Variants in CSTPP1 observed in about 807,000 individuals in gnomAD.
The protein encoded by CSTPP1 is centriolar satellite-associated tubulin polyglutamylase complex regulator 1.
At chr11:47,157,943 C>T in the CSTPP1 span, 10 of 1,596,782 alleles carry the variant, frequency 6.3e-6, no homozygotes, top group Middle Eastern at 1.7e-4. Context: ...GCTAAGCAGC[C>T]GTCAGCCTCT....
chr11:47,102,811 C>T, the CSTPP1 span, among the ~76,000 whole-genome samples: 1 of 152,076 alleles, frequency 6.6e-6, no homozygotes, highest in Non-Finnish European at 1.5e-5. Context: ...AAATGTATAC[C>T]CTAAGGGGTA....
the CSTPP1 span, among the ~76,000 whole-genome samples, chr11:46,945,878 T>A: frequency 6.6e-6 from 1 of 152,148 alleles, no homozygotes; most frequent in Non-Finnish European, 1.5e-5. Flanking sequence ...ACCTATATGG[T>A]TCTAGAGCCA....
At chr11:46,943,048 C>T in the CSTPP1 span, among the ~76,000 whole-genome samples, 1 of 152,120 alleles carries the variant, frequency 6.6e-6, no homozygotes, top group Non-Finnish European at 1.5e-5. Flanking sequence ...TCATTGTCAA[C>T]CTTCTATCAT....
the CSTPP1 span, among the ~76,000 whole-genome samples, chr11:47,039,364 G>A: frequency 7.8e-6 from 1 of 127,750 alleles, no homozygotes; most frequent in Non-Finnish European, 1.9e-5. Context: ...CCAGTCAGGC[G>A]TGGCGGCGCG....
At chr11:47,132,185 G>A in the CSTPP1 span, among the ~76,000 whole-genome samples, 3 of 152,140 alleles carry the variant, frequency 2.0e-5, no homozygotes, top group Non-Finnish European at 2.9e-5. Flanking sequence ...TCATACCCCT[G>A]TAATTTTGCA....
chr11:46,951,910 A>G, the CSTPP1 span, among the ~76,000 whole-genome samples: 1 of 152,154 alleles, frequency 6.6e-6, no homozygotes, highest in Non-Finnish European at 1.5e-5. Context: ...CCACACCAGT[A>G]CTTACCATTC....
At chr11:46,984,062 A>T in the CSTPP1 span, among the ~76,000 whole-genome samples, 1 of 152,234 alleles carries the variant, frequency 6.6e-6, no homozygotes, top group Non-Finnish European at 1.5e-5. Flanking sequence ...ACAGACAGAC[A>T]TACACACACA....
the CSTPP1 span, among the ~76,000 whole-genome samples, chr11:46,976,090 C>T: frequency 6.6e-6 from 1 of 151,974 alleles, no homozygotes; most frequent in Non-Finnish European, 1.5e-5. Context: ...ACTATGTGCT[C>T]CTAGGAAGAG....
chr11:47,148,100 A>T, the CSTPP1 span, among the ~76,000 whole-genome samples: 1 of 152,212 alleles, frequency 6.6e-6, no homozygotes, highest in East Asian at 1.9e-4. Context: ...TGCCTCCAAC[A>T]CAGTCCAGAA....
chr11:47,040,390 A>C, the CSTPP1 span, among the ~76,000 whole-genome samples: 1 of 126,962 alleles, frequency 7.9e-6, no homozygotes, highest in African/African-American at 2.5e-5. Context: ...AGGGAGGACA[A>C]CTAGAGCACT....
At chr11:47,062,177 A>G in the CSTPP1 span, among the ~76,000 whole-genome samples, 3 of 152,026 alleles carry the variant, frequency 2.0e-5, no homozygotes, top group Non-Finnish European at 2.9e-5. Flanking sequence ...CTGACTCAGT[A>G]TTTACTTGAA....
the CSTPP1 span, among the ~76,000 whole-genome samples, chr11:47,080,211 T>C: frequency 2.0e-5 from 3 of 152,182 alleles, no homozygotes; most frequent in Non-Finnish European, 4.4e-5. Context: ...ATCCCAACAC[T>C]TGGGGAGGCC....
At chr11:47,053,599 G>A in the CSTPP1 span, among the ~76,000 whole-genome samples, 10 of 148,142 alleles carry the variant, frequency 6.8e-5, no homozygotes, top group South Asian at 6.4e-4. Flanking sequence ...CAGCCTGGAC[G>A]ACAGAGCAAG....
At chr11:47,024,731 G>C in the CSTPP1 span, among the ~76,000 whole-genome samples, 10 of 152,148 alleles carry the variant, frequency 6.6e-5, no homozygotes, top group South Asian at 2.1e-3. Context: ...CTCCTTTAAA[G>C]ATTTTCTGGA....
the CSTPP1 span, among the ~76,000 whole-genome samples, chr11:46,972,704 C>T: frequency 6.6e-6 from 1 of 152,180 alleles, no homozygotes; most frequent in Admixed American, 6.5e-5. Flanking sequence ...AATGCAGGAT[C>T]TGAGAAGGAG....
At chr11:47,156,675 G>A in the CSTPP1 span, among the ~76,000 whole-genome samples, 1 of 152,078 alleles carries the variant, frequency 6.6e-6, no homozygotes, top group Non-Finnish European at 1.5e-5. Context: ...GTGCATTCCA[G>A]CAAGGAGACA....
chr11:46,939,474 G>A, the CSTPP1 span, among the ~76,000 whole-genome samples: 2 of 151,902 alleles, frequency 1.3e-5, no homozygotes, highest in African/African-American at 4.8e-5. Context: ...TTTTAAGGTT[G>A]GTAATATGGA....
the CSTPP1 span, among the ~76,000 whole-genome samples, chr11:47,145,053 T>C: frequency 7.0e-6 from 1 of 142,064 alleles, no homozygotes; most frequent in East Asian, 2.1e-4. Context: ...AGTGGCATGA[T>C]CTGAGCTCAC....
chr11:47,085,134 G>T, the CSTPP1 span, among the ~76,000 whole-genome samples: 17 of 152,112 alleles, frequency 1.1e-4, no homozygotes, highest in Admixed American at 2.0e-4. Flanking sequence ...AACCCGAGAG[G>T]CAGAGGTTGC....
Sources: gnomAD v4.1 joint callset for allele counts (sites outside exome capture counted in the v4.1 genomes callset) on GRCh38, gnomAD v4.1.1 for gene constraint, MANE v1.5 for transcripts, NCBI Gene and HGNC (gene_info 2026-07-23, HGNC 2026-07-21) for gene names.